Variants in C12orf54 observed in about 807,000 individuals in gnomAD.
C12orf54 encodes chromosome 12 open reading frame 54, also known as uncharacterized protein C12orf54.
C12orf54 carries 24 observed loss-of-function variants against 26.4 expected under a neutral mutation model. The ratio of observed to expected loss-of-function variants is 0.91; its 90% CI spans 0.66 to 1.28. C12orf54 has a LOEUF of 1.28. C12orf54 is among the 50% of genes most tolerant of loss of function. C12orf54 has a pLI of 0.00. For missense variants in C12orf54, 154 were observed against 150.9 expected, an observed-to-expected ratio of 1.02 and a Z score of -0.11; for synonymous variants, 54 against 47.0, an observed-to-expected ratio of 1.15 and a Z score of -0.61.
chr12:48,433,680 C>G, the C12orf54 span, among the ~76,000 whole-genome samples: 16,586 of 152,178 alleles, frequency 0.11, 945 homozygotes, highest in Middle Eastern at 0.13. Flanking sequence ...ATCTCTTGAC[C>G]TTGTGATCTG....
At chr12:48,495,112 G>A (rs1455544796) in intron 8 of C12orf54, 133 bp downstream of exon 8, 1 of 658,080 alleles carries the variant, frequency 1.5e-6, no homozygotes, top group Non-Finnish European at 2.5e-6. Flanking sequence ...TCATACAAGG[G>A]GCAATAGGGT....
At chr12:48,482,024 C>T (rs140538574), upstream of C12orf54, among the ~76,000 whole-genome samples, 10 of 152,320 alleles carry the variant, frequency 6.6e-5, no homozygotes, top group East Asian at 1.9e-3. Flanking sequence ...TTCCTGCCTC[C>T]GTATTAAAAC....
upstream of C12orf54, among the ~76,000 whole-genome samples, chr12:48,478,503 C>G (rs1043190304): frequency 6.6e-6 from 1 of 152,176 alleles, no homozygotes. Flanking sequence ...AAAACCCCAT[C>G]ATCTCAGCCC....
the C12orf54 span, among the ~76,000 whole-genome samples, chr12:48,426,011 A>G: frequency 6.6e-6 from 1 of 151,332 alleles, no homozygotes; most frequent in African/African-American, 2.4e-5. Context: ...TAGCTTGCAA[A>G]TATTTTATCC....
the C12orf54 span, among the ~76,000 whole-genome samples, chr12:48,452,036 A>G: frequency 6.6e-6 from 1 of 152,198 alleles, no homozygotes; most frequent in African/African-American, 2.4e-5. Flanking sequence ...AGACAATCCT[A>G]AGCAAAAAGA....
At chr12:48,415,472 T>C in the C12orf54 span, among the ~76,000 whole-genome samples, 1 of 152,318 alleles carries the variant, frequency 6.6e-6, no homozygotes, top group Non-Finnish European at 1.5e-5. Flanking sequence ...GTTCTTTTCT[T>C]ATTTGAATTT....
At chr12:48,472,236 CT>C in the C12orf54 span, among the ~76,000 whole-genome samples, 1 of 152,074 alleles carries the variant, frequency 6.6e-6, no homozygotes, top group African/African-American at 2.4e-5. Context: ...CTCTATTAAC[CT>C]TTTGGCAGAG....
the C12orf54 span, among the ~76,000 whole-genome samples, chr12:48,427,019 C>A: frequency 1.3e-5 from 2 of 152,170 alleles, no homozygotes; most frequent in African/African-American, 4.8e-5. Flanking sequence ...ATCATGTCAC[C>A]TACAAACAGC....
the C12orf54 span, among the ~76,000 whole-genome samples, chr12:48,467,119 T>C: frequency 4.6e-5 from 7 of 152,028 alleles, no homozygotes; most frequent in African/African-American, 1.4e-4. Context: ...GGATGAGACC[T>C]AAGTCTAATG....
At chr12:48,491,951 A>G (rs906649947) in intron 6 of C12orf54, among the ~76,000 whole-genome samples, 1 of 152,152 alleles carries the variant, frequency 6.6e-6, no homozygotes, top group Non-Finnish European at 1.5e-5. Flanking sequence ...ATGGTGCCAA[A>G]GCTCTTGGCT....
chr12:48,462,630 A>G, the C12orf54 span, among the ~76,000 whole-genome samples: 1 of 151,720 alleles, frequency 6.6e-6, no homozygotes, highest in Non-Finnish European at 1.5e-5. Context: ...AAAGAAGAAA[A>G]AATCTTAATA....
chr12:48,420,243 C>T, the C12orf54 span, among the ~76,000 whole-genome samples: 56 of 152,296 alleles, frequency 3.7e-4, 1 homozygote, highest in South Asian at 0.011. Context: ...TGAGTTGATG[C>T]CTTGCATTCC....
chr12:48,486,794 G>A, intron 4 of C12orf54, 68 bp downstream of exon 4: 1 of 1,461,220 alleles, frequency 6.8e-7, no homozygotes, highest in Non-Finnish European at 9.6e-7. Context: ...CTTCAGGAAG[G>A]AGCACATTTC....
At chr12:48,492,693 T>G (rs1937816607) in intron 6 of C12orf54, among the ~76,000 whole-genome samples, 1 of 152,158 alleles carries the variant, frequency 6.6e-6, no homozygotes, top group Admixed American at 6.5e-5. Flanking sequence ...ATGGAAACAT[T>G]TCTCTAACTC....
At chr12:48,471,084 C>T in the C12orf54 span, among the ~76,000 whole-genome samples, 4 of 151,306 alleles carry the variant, frequency 2.6e-5, no homozygotes, top group African/African-American at 9.7e-5. Flanking sequence ...TTTTTTGTAC[C>T]CATTAACCAT....
the C12orf54 span, among the ~76,000 whole-genome samples, chr12:48,437,586 G>C: frequency 6.6e-6 from 1 of 152,180 alleles, no homozygotes; most frequent in South Asian, 2.1e-4. Context: ...CGGATGCAAG[G>C]CTGGTTCAAC....
At chr12:48,472,911 T>C in the C12orf54 span, 4 of 1,614,118 alleles carry the variant, frequency 2.5e-6, no homozygotes, top group East Asian at 2.2e-5. Context: ...CCTAGAAGTA[T>C]TGGCAGAAAA....
the C12orf54 span, among the ~76,000 whole-genome samples, chr12:48,468,971 G>T: frequency 1.3e-5 from 2 of 152,148 alleles, no homozygotes; most frequent in Non-Finnish European, 2.9e-5. Context: ...ATTTTCAAAG[G>T]TGTGGGAGTG....
chr12:48,487,506 A>G (rs1250331834), intron 4 of C12orf54, among the ~76,000 whole-genome samples: 1 of 152,256 alleles, frequency 6.6e-6, no homozygotes, highest in African/African-American at 2.4e-5. Flanking sequence ...AATCTTAATT[A>G]CAATGCTGAA....
Sources: allele counts gnomAD v4.1 joint callset (sites outside exome capture counted in the v4.1 genomes callset), GRCh38; gene constraint gnomAD v4.1.1; transcripts MANE v1.5; gene names NCBI Gene and HGNC (gene_info 2026-07-23, HGNC 2026-07-21).